The following HK1 variants were observed in gnomAD, a reference collection of about 807,000 sequenced individuals.
HK1 encodes hexokinase 1.
A neutral mutation model predicts 91.6 loss-of-function variants in HK1; 28 were observed. The ratio of observed to expected loss-of-function variants is 0.31; its 90% CI spans 0.23 to 0.42. The LOEUF is 0.42. Ranked by LOEUF, HK1 falls within the 10% of genes least tolerant of loss-of-function variation. The pLI, the probability that HK1 is intolerant of heterozygous loss-of-function variation, is 1.00. For synonymous variants in HK1, 430 were observed against 468.1 expected, an observed-to-expected ratio of 0.92 and a Z score of 1.05; for missense variants, 770 against 1,219.8, an observed-to-expected ratio of 0.63 and a Z score of 5.49.
chr10:69,358,541 C>A (rs1849250542), intron 2 of HK1, among the ~76,000 whole-genome samples: 1 of 152,162 alleles, frequency 6.6e-6, no homozygotes, highest in South Asian at 2.1e-4. Flanking sequence ...TGTAGTGGAT[C>A]CATACAATGG....
chr10:69,297,428 G>T (rs1845620868), intron 4 of HK1, among the ~76,000 whole-genome samples: 1 of 152,152 alleles, frequency 6.6e-6, no homozygotes, highest in African/African-American at 2.4e-5. Flanking sequence ...AACCGGTGTT[G>T]TTCGAGGGTC....
At chr10:69,400,195 A>T (rs1161494515) in intron 17 of HK1, among the ~76,000 whole-genome samples, 2 of 152,224 alleles carry the variant, frequency 1.3e-5, no homozygotes, top group Admixed American at 6.5e-5. Flanking sequence ...GTAGGTCCTC[A>T]AACTCCTTGG....
At chr10:69,318,846 G>GGAGGAGGAGCC (rs1336666476), upstream of HK1, 5 of 1,486,448 alleles carry the variant, frequency 3.4e-6, no homozygotes, top group Admixed American at 4.6e-5. Flanking sequence ...GGGAGGAGGA[G>GGAGGAGGAGCC]GAGGAGGAGC....
intron 2 of HK1, among the ~76,000 whole-genome samples, chr10:69,353,138 G>C (rs1023918655): frequency 1.3e-5 from 2 of 152,118 alleles, no homozygotes; most frequent in Non-Finnish European, 2.9e-5. Flanking sequence ...CAGGATGGGG[G>C]GCTGGTTGCC....
rs1202415584 is a variant in HK1 at position 69,369,373 on chromosome 10, C to T, written c.691+37C>T. 6.2e-7 allele frequency: 1 copy of T among 1,613,352 alleles called. No individual in the cohort carries two copies. Among genetic ancestry groups the T allele is most frequent in the South Asian group, 1.1e-5 (1 of 91,074 alleles). On this transcript the variant is annotated intron_variant, in intron 6 of 17. Coordinates refer to ENST00000359426, the MANE Select transcript of HK1 (RefSeq NM_000188.3). This position sits in a 1 kb window ranked among gnomAD's most constrained non-coding sequence, Gnocchi z 4.4. The stretch of plus-strand genomic sequence containing the variant: ...CCCTTTGCCCATCCATTTGTTCGGC[C>T]CATCTTTCCAGGTGGCTCTGCACCC...
In HK1 at chr10:69,380,678, T is replaced by C. The variant is rs1056476426; in HGVS notation, c.1265+583T>C. Among the ~76,000 whole-genome samples, 23 of 152,228 alleles carry C rather than the reference T, an allele frequency of 1.5e-4. 1 individual carries two copies. Among genetic ancestry groups the C allele is most frequent in the Admixed American group, 4.6e-4 (7 of 15,280 alleles). ...GAGCTGGAGCTGCAGGAGCTGTAAG[T>C]TGTCCCCATTGGCAAGGAGGTGCTT... On this transcript the variant is annotated intron_variant, in intron 9 of 17. Coordinates refer to ENST00000359426, the MANE Select transcript of HK1 (RefSeq NM_000188.3). The surrounding 1 kb of genome is among the most constrained non-coding windows in gnomAD (Gnocchi z 4.0).
upstream of HK1, among the ~76,000 whole-genome samples, chr10:69,316,183 C>T (rs986554179): frequency 1.3e-5 from 2 of 152,018 alleles, no homozygotes; most frequent in African/African-American, 4.8e-5. Context: ...GGCCTTGTTG[C>T]GGCCAGAGTG....
intron 5 of HK1, 126 bp downstream of exon 5, chr10:69,368,757 G>C: frequency 4.0e-6 from 3 of 754,970 alleles, no homozygotes; most frequent in Non-Finnish European, 7.0e-6. Flanking sequence ...AGGCAGGGGA[G>C]AGTTGAGGGC....
intron 8 of HK1, 22 bp from the exon 9 acceptor site, chr10:69,379,840 G>A (rs750975580): frequency 9.1e-6 from 14 of 1,542,200 alleles, no homozygotes; most frequent in Non-Finnish European, 1.2e-5. Context: ...CAGTGCATCA[G>A]TATTGGCTTC....
At chr10:69,283,164 T>C (rs1844843624) in intron 2 of HK1, among the ~76,000 whole-genome samples, 1 of 126,950 alleles carries the variant, frequency 7.9e-6, no homozygotes, top group Admixed American at 8.6e-5. Flanking sequence ...AGGTATAATC[T>C]GGCAGGGTGC....
chr10:69,361,537 C>T (rs576867234), intron 3 of HK1, among the ~76,000 whole-genome samples: 1 of 152,350 alleles, frequency 6.6e-6, no homozygotes, highest in African/African-American at 2.4e-5. Flanking sequence ...CTGAGACTCA[C>T]CCTGTGCTGC....
At chr10:69,323,542 A>G (rs1330135523) in intron 1 of HK1, among the ~76,000 whole-genome samples, 5 of 151,290 alleles carry the variant, frequency 3.3e-5, no homozygotes, top group African/African-American at 9.7e-5. Context: ...AAAAAAAAGA[A>G]GAAAGAAAAT....
Position 69,275,251 on chromosome 10 carries a change from T to C in HK1, c.-391+5143T>C, listed in dbSNP as rs554454880. ...AAAAACCTTTTAAGGCCGGGCACGGTGGCTCACGCCTGTAATCTCAGTACT... is the reference window on the plus strand; with the variant it reads ...AAAAACCTTTTAAGGCCGGGCACGGCGGCTCACGCCTGTAATCTCAGTACT... On this transcript the variant is annotated intron_variant, in intron 1 of 21. Coordinates refer to the HK1 transcript ENST00000360289. Among the ~76,000 whole-genome samples, 361 of 151,152 alleles carry C rather than the reference T, an allele frequency of 2.4e-3. 2 individuals are homozygous for C. The highest frequency in any genetic ancestry group is 8.2e-3 in the African/African-American group (338 of 41,256).
intron 16 of HK1, 83 bp from the exon 17 acceptor site, chr10:69,398,512 C>CG: frequency 2.1e-6 from 2 of 939,142 alleles, no homozygotes; most frequent in Non-Finnish European, 1.7e-6. Context: ...TGATTGGGGG[C>CG]GGGGGGCGTC....
At chr10:69,382,463 G>T in intron 9 of HK1, 24 bp from the exon 10 acceptor site, 1 of 1,613,562 alleles carries the variant, frequency 6.2e-7, no homozygotes, top group Non-Finnish European at 8.5e-7. Flanking sequence ...AGCTGTTGTG[G>T]AATGTCCCCC....
chr10:69,317,515 G>A (rs1846710790), upstream of HK1, among the ~76,000 whole-genome samples: 4 of 152,322 alleles, frequency 2.6e-5, no homozygotes, highest in South Asian at 8.3e-4. Flanking sequence ...CTGGTCAAGG[G>A]CTAGGGACTC....
At chr10:69,339,099 C>G (rs1308779018) in intron 1 of HK1, among the ~76,000 whole-genome samples, 1 of 152,186 alleles carries the variant, frequency 6.6e-6, no homozygotes, top group African/African-American at 2.4e-5. Flanking sequence ...ATGCGTTTTG[C>G]TCAGTGAAGT....
chr10:69,280,128 G>GT (rs61586535), intron 1 of HK1, among the ~76,000 whole-genome samples: 235 of 143,718 alleles, frequency 1.6e-3, no homozygotes, highest in East Asian at 5.4e-3. Flanking sequence ...AAAAGGTTTT[G>GT]TTTTTTTTTT....
intron 1 of HK1, among the ~76,000 whole-genome samples, chr10:69,273,689 G>A (rs1421149459): frequency 6.6e-6 from 1 of 152,228 alleles, no homozygotes; most frequent in Non-Finnish European, 1.5e-5. Flanking sequence ...TTCAAGTTCA[G>A]TGACAGATTT....
Sources: allele counts gnomAD v4.1 joint callset (sites outside exome capture counted in the v4.1 genomes callset), GRCh38; gene constraint gnomAD v4.1.1; non-coding constraint Gnocchi (gnomAD v3.1); transcripts MANE v1.5; gene names NCBI Gene and HGNC (gene_info 2026-07-23, HGNC 2026-07-21).